Variants in ZNF184 observed in about 807,000 individuals in gnomAD.
ZNF184 encodes the protein zinc finger protein 184, also known as zinc finger protein 184 (Kruppel-like).
A neutral mutation model predicts 54.4 loss-of-function variants in ZNF184; 16 were observed. The ratio of observed to expected loss-of-function variants is 0.29; its 90% confidence interval spans 0.20 to 0.45. The LOEUF is 0.45. Among genes scored for constraint, ZNF184 ranks in the 20% least tolerant of loss-of-function variants. ZNF184 has a pLI of 1.00. For synonymous variants in ZNF184, 254 were observed against 295.3 expected (o/e 0.86, Z 1.43); for missense variants, 681 against 888.2 (o/e 0.77, Z 2.97).
chr6:27,450,481 G>A (rs56653800), downstream of ZNF184, among the ~76,000 whole-genome samples: 654 of 152,218 alleles, frequency 4.3e-3, 7 homozygotes, highest in Admixed American at 0.012. Flanking sequence ...AACACAAGAA[G>A]AAGAGAGGTG....
At chr6:27,437,094 T>C in the ZNF184 span, among the ~76,000 whole-genome samples, 1 of 152,200 alleles carries the variant, frequency 6.6e-6, no homozygotes, top group Non-Finnish European at 1.5e-5. Context: ...ACTATTGTGG[T>C]AGGAAGAATT....
At chr6:27,457,034 G>T in intron 4 of ZNF184, 113 bp from the exon 5 acceptor site, 3 of 1,026,598 alleles carry the variant, frequency 2.9e-6, no homozygotes, top group South Asian at 1.5e-5. Context: ...AACCTGATGG[G>T]AGTGGATAGC....
chr6:27,469,524 C>A (rs190033203), intron 2 of ZNF184, among the ~76,000 whole-genome samples: 2 of 152,160 alleles, frequency 1.3e-5, no homozygotes, highest in Non-Finnish European at 2.9e-5. Flanking sequence ...GCCTGTAATC[C>A]CAGCTACTCA....
the ZNF184 span, among the ~76,000 whole-genome samples, chr6:27,430,895 A>G: frequency 3.3e-5 from 5 of 152,248 alleles, no homozygotes; most frequent in Admixed American, 6.5e-5. Flanking sequence ...TTAATGTAGT[A>G]CCACTTTCTT....
At chr6:27,458,295 T>TAAAA (rs55966783) in intron 3 of ZNF184, among the ~76,000 whole-genome samples, 349 of 62,328 alleles carry the variant, frequency 5.6e-3, no homozygotes, top group East Asian at 8.4e-3. Flanking sequence ...TTCTGCACAG[T>TAAAA]AAAAAAAAAA....
chr6:27,442,787 G>GAAGAAAGGAAGA, the ZNF184 span, among the ~76,000 whole-genome samples: 716 of 73,368 alleles, frequency 9.8e-3, 133 homozygotes, highest in Admixed American at 0.027. Flanking sequence ...GGAAGGAAAG[G>GAAGAAAGGAAGA]AAGAAAGAAA....
At chr6:27,454,008 G>C (rs1341641720) in intron 5 of ZNF184, among the ~76,000 whole-genome samples, 4 of 152,092 alleles carry the variant, frequency 2.6e-5, no homozygotes, top group African/African-American at 9.7e-5. Context: ...AGAATAGTCA[G>C]GGTAACAGAA....
chr6:27,442,017 T>G, the ZNF184 span, among the ~76,000 whole-genome samples: 1 of 152,210 alleles, frequency 6.6e-6, no homozygotes, highest in Non-Finnish European at 1.5e-5. Context: ...TGATTCAAAT[T>G]ATTTTGATCA....
At chr6:27,455,617 T>TG (rs1762834114) in intron 5 of ZNF184, among the ~76,000 whole-genome samples, 1 of 151,982 alleles carries the variant, frequency 6.6e-6, no homozygotes, top group East Asian at 1.9e-4. Flanking sequence ...AGATGTGATA[T>TG]GAAAAAAAAG....
chr6:27,447,804 CTT>C (rs772373029), downstream of ZNF184, among the ~76,000 whole-genome samples: 21 of 152,200 alleles, frequency 1.4e-4, no homozygotes, highest in Admixed American at 4.6e-4. Context: ...ACAGGAGTGA[CTT>C]AGTTATCATG....
the ZNF184 span, among the ~76,000 whole-genome samples, chr6:27,418,896 A>AT: frequency 2.5e-4 from 38 of 151,592 alleles, no homozygotes; most frequent in Middle Eastern, 3.4e-3. Context: ...GAGTATTTTT[A>AT]TTTTTTTTGG....
intron 5 of ZNF184, 139 bp downstream of exon 5, chr6:27,456,687 A>G (rs1762863166): frequency 9.8e-6 from 7 of 716,926 alleles, no homozygotes; most frequent in Non-Finnish European, 1.6e-5. Flanking sequence ...GAAAGTCCAG[A>G]AAACAGATGT....
the ZNF184 span, among the ~76,000 whole-genome samples, chr6:27,410,678 C>A: frequency 6.6e-6 from 1 of 152,188 alleles, no homozygotes; most frequent in South Asian, 2.1e-4. Flanking sequence ...ACCACAGGTG[C>A]GCACCACCAC....
chr6:27,427,133 A>C, the ZNF184 span, among the ~76,000 whole-genome samples: 6 of 151,642 alleles, frequency 4.0e-5, no homozygotes, highest in African/African-American at 9.7e-5. Context: ...AAAAAAAAAA[A>C]AAACAATTAA....
chr6:27,461,841 C>T (rs1561840179), intron 3 of ZNF184, among the ~76,000 whole-genome samples: 4 of 121,574 alleles, frequency 3.3e-5, no homozygotes, highest in African/African-American at 1.1e-4. Flanking sequence ...AGTACTGGAG[C>T]GGAGAGAGCT....
intron 2 of ZNF184, among the ~76,000 whole-genome samples, chr6:27,470,993 G>T (rs1581591905): frequency 6.6e-6 from 1 of 152,100 alleles, no homozygotes; most frequent in East Asian, 1.9e-4. Flanking sequence ...TTATTCACAT[G>T]ACTAATATGA....
At chr6:27,416,256 G>T in the ZNF184 span, among the ~76,000 whole-genome samples, 3 of 152,188 alleles carry the variant, frequency 2.0e-5, no homozygotes, top group African/African-American at 7.2e-5. Context: ...ATGGCTGCCT[G>T]ATAGGACTAT....
Position 27,466,141 on chromosome 6 carries a change from G to GGA in ZNF184, c.75+1710_75+1711dup, listed in dbSNP as rs58110037. On this transcript the variant is annotated intron_variant, in intron 3 of 5. Coordinates refer to ENST00000683788, the MANE Select transcript of ZNF184 (RefSeq NM_001318891.2). ...GACAGAAGACAAGTCAGAGTCAGAG[G>GGA]GAGAGAGAGAGAGAGAGAGAGAGAG... 5.8e-3 allele frequency among the ~76,000 whole-genome samples: 866 copies of GGA among 148,832 alleles called. 4 individuals carry two copies. Among genetic ancestry groups the GGA allele is most frequent in the African/African-American group, 0.014 (559 of 40,294 alleles).
chr6:27,410,282 T>C, the ZNF184 span, among the ~76,000 whole-genome samples: 1 of 152,226 alleles, frequency 6.6e-6, no homozygotes. Flanking sequence ...ACCAGGATTT[T>C]ACTCCAGTTC....
Sources: gnomAD v4.1 joint callset for allele counts (sites outside exome capture counted in the v4.1 genomes callset) on GRCh38, gnomAD v4.1.1 for gene constraint, MANE v1.5 for transcripts, NCBI Gene and HGNC (gene_info 2026-07-23, HGNC 2026-07-21) for gene names.